Variants in SPAG6 observed in about 807,000 individuals in gnomAD.
SPAG6 encodes sperm-associated antigen 6.
In SPAG6, 49 loss-of-function variants were observed where a neutral mutation model predicts 58.5. That is an observed-to-expected ratio of 0.84 (90% CI 0.67 to 1.06). SPAG6 has a LOEUF of 1.06. Ranked by LOEUF, SPAG6 falls within the 50% of genes least tolerant of loss-of-function variation. The pLI is 0.00. For synonymous variants in SPAG6, 233 were observed against 225.6 expected (o/e 1.03, Z -0.29); for missense variants, 560 against 611.3 (o/e 0.92, Z 0.89).
At chr10:22,403,169 A>G (rs1043688355) in intron 9 of SPAG6, among the ~76,000 whole-genome samples, 2 of 152,044 alleles carry the variant, frequency 1.3e-5, no homozygotes, top group African/African-American at 4.8e-5. Context: ...GTTTTAGGGT[A>G]CATGTGCACA....
chr10:22,359,613 G>C (rs188450601), intron 2 of SPAG6, among the ~76,000 whole-genome samples: 12 of 152,174 alleles, frequency 7.9e-5, no homozygotes, highest in African/African-American at 2.6e-4. Context: ...GGATAGTGGT[G>C]GTGGTTGCAC....
intron 4 of SPAG6, among the ~76,000 whole-genome samples, chr10:22,375,451 G>C (rs1833794689): frequency 6.6e-6 from 1 of 152,112 alleles, no homozygotes; most frequent in African/African-American, 2.4e-5. Context: ...AATAGGAGCT[G>C]TATTCTCATC....
chr10:22,346,317 G>A (rs1363490809), intron 2 of SPAG6, among the ~76,000 whole-genome samples: 1 of 151,964 alleles, frequency 6.6e-6, no homozygotes. Flanking sequence ...TCCTTATGGC[G>A]CGTTCCTTCT....
chr10:22,408,870 C>T lies in SPAG6; in HGVS notation c.1315-2161C>T, dbSNP rs552525109. On this transcript the variant is annotated intron_variant, in intron 9 of 10. Coordinates refer to ENST00000376624, the MANE Select transcript of SPAG6 (RefSeq NM_012443.4). ...GTTTTTTAAGCCGATTGGAAAAGCA[C>T]AGTATTTGGGTGGGAGTGACCCGAT... 1.4e-3 allele frequency among the ~76,000 whole-genome samples: 208 copies of T among 152,342 alleles called. 1 individual carries two copies. Among genetic ancestry groups the T allele is most frequent in the African/African-American group, 4.3e-3 (178 of 41,578 alleles).
At chr10:22,367,834 A>G (rs1837240164) in intron 3 of SPAG6, among the ~76,000 whole-genome samples, 1 of 151,686 alleles carries the variant, frequency 6.6e-6, no homozygotes, top group Admixed American at 6.5e-5. Context: ...ACAAAATGGT[A>G]AGTAATTTGC....
chr10:22,378,055 CTTTTTT>C (rs776198268), intron 4 of SPAG6, among the ~76,000 whole-genome samples: 4 of 123,002 alleles, frequency 3.3e-5, no homozygotes, highest in East Asian at 4.5e-4. Context: ...CTTTTCTTTT[CTTTTTT>C]TTTTTTTTTT....
intron 8 of SPAG6, among the ~76,000 whole-genome samples, chr10:22,396,751 C>T (rs890760952): frequency 6.6e-6 from 1 of 152,016 alleles, no homozygotes; most frequent in Admixed American, 6.6e-5. Context: ...TCCAATAGCC[C>T]TAATCAGGGA....
intron 9 of SPAG6, among the ~76,000 whole-genome samples, chr10:22,409,691 G>A (rs1249269918): frequency 6.6e-6 from 1 of 152,178 alleles, no homozygotes; most frequent in East Asian, 1.9e-4. Context: ...GAGCGTTTCG[G>A]TCAGAGGGAT....
intron 2 of SPAG6, among the ~76,000 whole-genome samples, chr10:22,348,711 GT>G (rs1396412248): frequency 6.6e-6 from 1 of 152,116 alleles, no homozygotes; most frequent in Non-Finnish European, 1.5e-5. Flanking sequence ...TTTTTATTGT[GT>G]TTTTTATACA....
At position 22,366,280 on chromosome 10, in the gene SPAG6, A is replaced by G. The variant is rs75227906; in HGVS notation, c.288+1261A>G. Among the ~76,000 whole-genome samples the G allele has an allele frequency of 9.1e-3, 1,388 of 152,326 alleles. 20 individuals are homozygous for G. Among genetic ancestry groups the G allele is most frequent in the African/African-American group, 0.031 (1,282 of 41,570 alleles). On this transcript the variant is annotated intron_variant, in intron 3 of 10. Coordinates refer to ENST00000376624, the MANE Select transcript of SPAG6 (RefSeq NM_012443.4). ...TACACCATGGATGACCCATAAAAAC[A>G]TATGCTAAGTGCAAGAAGCCAGACA...
chr10:22,361,277 G>A (rs531832629), intron 2 of SPAG6: 39 of 155,758 alleles, frequency 2.5e-4, no homozygotes, highest in Non-Finnish European at 3.8e-4. Flanking sequence ...CAGAAACATC[G>A]CATATAAGCC....
chr10:22,386,708 G>A (rs1294793097), intron 4 of SPAG6, 46 bp from the exon 5 acceptor site: 1 of 1,486,474 alleles, frequency 6.7e-7, no homozygotes, highest in South Asian at 1.1e-5. Context: ...GCTTGCACAA[G>A]GGTCAGTCAC....
At chr10:22,412,295 G>A (rs1274858649) in intron 10 of SPAG6, 4 of 521,624 alleles carry the variant, frequency 7.7e-6, no homozygotes, top group Admixed American at 3.6e-5. Context: ...CTTACATGCT[G>A]TAACATATAC....
intron 4 of SPAG6, among the ~76,000 whole-genome samples, chr10:22,384,586 T>C (rs1834026811): frequency 6.6e-6 from 1 of 152,196 alleles, no homozygotes; most frequent in South Asian, 2.1e-4. Context: ...AGTGTGCTAC[T>C]CAAGAGCAGT....
chr10:22,368,691 ATGCAGGAGCATAT>A lies in SPAG6; in HGVS notation c.472+15_472+27del. ...AGACATAATGCAGGTAATTTAAAAT[ATGCAGGAGCATAT>A]TTTAAAATAGGATTATTACAATTCA... On this transcript the variant is annotated intron_variant, in intron 4 of 10. Transcript: ENST00000376624. The A allele has an allele frequency of 6.3e-7, 1 of 1,582,206 alleles. No homozygotes were observed. Among genetic ancestry groups the A allele is most frequent in the Non-Finnish European group, 8.6e-7 (1 of 1,157,110 alleles).
chr10:22,416,116 C>T (rs1304783629), intron 10 of SPAG6, among the ~76,000 whole-genome samples: 1 of 151,856 alleles, frequency 6.6e-6, no homozygotes, highest in Non-Finnish European at 1.5e-5. Context: ...AATAGTTTTT[C>T]AATATGAATT....
intron 2 of SPAG6, among the ~76,000 whole-genome samples, chr10:22,358,633 G>A (rs1313320437): frequency 6.6e-6 from 1 of 151,798 alleles, no homozygotes; most frequent in African/African-American, 2.4e-5. Context: ...TGCTTTTGGT[G>A]TTTTAGACAT....
intron 2 of SPAG6, among the ~76,000 whole-genome samples, chr10:22,363,447 G>T (rs1029935034): frequency 3.3e-5 from 5 of 152,194 alleles, no homozygotes; most frequent in Non-Finnish European, 7.3e-5. Context: ...CAGGGGCTCT[G>T]TGTGCCTGCA....
chr10:22,348,859 G>T (rs1435031169), intron 2 of SPAG6, among the ~76,000 whole-genome samples: 2 of 152,156 alleles, frequency 1.3e-5, no homozygotes, highest in African/African-American at 4.8e-5. Context: ...TCGAGACAGG[G>T]TTTCACTCTG....
Sources: allele counts gnomAD v4.1 joint callset (sites outside exome capture counted in the v4.1 genomes callset), GRCh38; gene constraint gnomAD v4.1.1; transcripts MANE v1.5; gene names NCBI Gene and HGNC (gene_info 2026-07-23, HGNC 2026-07-21).